PCDHA10: variants seen among roughly 807,000 people sequenced by gnomAD.
The protein encoded by PCDHA10 is protocadherin alpha 10, also known as protocadherin alpha-10.
In PCDHA10, 45 loss-of-function variants were observed where a neutral mutation model predicts 61.2. The ratio of observed to expected loss-of-function variants is 0.74; its 90% CI spans 0.58 to 0.94. The LOEUF (loss-of-function observed/expected upper bound fraction) is 0.94, where lower values mean the gene tolerates loss of function less well. PCDHA10 is among the 40% of genes least tolerant of loss of function. The pLI, the probability that PCDHA10 is intolerant of heterozygous loss-of-function variation, is 0.00. For synonymous variants in PCDHA10, 602 were observed against 548.8 expected (o/e 1.10, Z -1.35); for missense variants, 1,278 against 1,236.2 (o/e 1.03, Z -0.51).
Position 140,968,978 on chromosome 5 carries a change from G to T in PCDHA10, c.2389-9971G>T, listed in dbSNP as rs782147151. ...CAAGTGCTACCGCTACACTGCGTATGGCACTGCATGCTGTGGAGGCTTCTG... is the reference window on the plus strand; with the variant it reads ...CAAGTGCTACCGCTACACTGCGTATTGCACTGCATGCTGTGGAGGCTTCTG... On this transcript the variant is annotated intron_variant, in intron 1 of 3. Coordinates refer to ENST00000307360, the MANE Select transcript of PCDHA10 (RefSeq NM_018901.4). The T allele has an allele frequency of 8.7e-6, 14 of 1,614,212 alleles. No homozygotes were observed. Among genetic ancestry groups the T allele is most frequent in the Non-Finnish European group, 1.2e-5 (14 of 1,180,042 alleles).
chr5:140,987,043 A>G (rs1406153632), intron 3 of PCDHA10, among the ~76,000 whole-genome samples: 5 of 151,912 alleles, frequency 3.3e-5, no homozygotes, highest in Non-Finnish European at 7.4e-5. Flanking sequence ...GCGAAACCCC[A>G]TCTCTACTAA....
chr5:140,967,332 C>T (rs1269679357), intron 1 of PCDHA10: 2 of 1,607,906 alleles, frequency 1.2e-6, no homozygotes, highest in Non-Finnish European at 1.7e-6. Context: ...GAGCTCAGCC[C>T]CAGCGAGCAC....
intron 1 of PCDHA10, chr5:140,967,726 TG>T: frequency 6.2e-7 from 1 of 1,613,974 alleles, no homozygotes; most frequent in Non-Finnish European, 8.5e-7. Flanking sequence ...TGCGAGTAAT[TG>T]GGGGGCTGGA....
intron 1 of PCDHA10, chr5:140,869,195 T>A (rs1554162619): frequency 6.2e-7 from 1 of 1,613,916 alleles, no homozygotes; most frequent in East Asian, 2.2e-5. Flanking sequence ...AGCGGCCAGC[T>A]CCACTACTCC....
chr5:140,856,524 CG>C lies in PCDHA10; in HGVS notation c.478del (p.Asp160MetfsTer23), dbSNP rs2044059008. 6.3e-7 allele frequency: 1 copy of C among 1,598,296 alleles called. No homozygotes were observed. The highest frequency in any genetic ancestry group is 1.3e-5 in the African/African-American group (1 of 74,424). On this transcript the variant is annotated frameshift_variant, in exon 1 of 4. Coordinates refer to ENST00000307360, the MANE Select transcript of PCDHA10 (RefSeq NM_018901.4). LOFTEE classifies it high-confidence loss of function. The part of the protein sequence containing the change: ...SRFPLEGASD[A>X]DVGENALLTY... ...TTTCCACTAGAAGGCGCATCTGATG[CG>C]GATGTTGGAGAGAACGCATTGCTTA...
chr5:140,877,266 C>T, intron 1 of PCDHA10: 1 of 1,613,808 alleles, frequency 6.2e-7, no homozygotes, highest in Non-Finnish European at 8.5e-7. Flanking sequence ...GCGCGGTGGA[C>T]GCTGACTCCG....
At chr5:140,876,684 C>T (rs973560970) in intron 1 of PCDHA10, 29 of 1,614,110 alleles carry the variant, frequency 1.8e-5, no homozygotes, top group Admixed American at 3.3e-5. Flanking sequence ...ACAAGAATTA[C>T]TACTCGTTGG....
intron 1 of PCDHA10, among the ~76,000 whole-genome samples, chr5:140,893,446 A>C (rs1305001651): frequency 6.6e-6 from 1 of 152,132 alleles, no homozygotes; most frequent in Non-Finnish European, 1.5e-5. Flanking sequence ...TGAAGCCAGG[A>C]GTTCAAGACC....
intron 3 of PCDHA10, among the ~76,000 whole-genome samples, chr5:140,999,088 G>A (rs1429141341): frequency 1.3e-5 from 2 of 152,274 alleles, no homozygotes; most frequent in African/African-American, 4.8e-5. Flanking sequence ...TCCTTCAGAG[G>A]GCTATGGAGA....
chr5:141,001,245 C>G (rs1554258043), intron 3 of PCDHA10, among the ~76,000 whole-genome samples: 2 of 152,082 alleles, frequency 1.3e-5, no homozygotes, highest in Non-Finnish European at 2.9e-5. Context: ...TAAATCAACC[C>G]TATGGGGCGG....
chr5:140,967,334 A>T, intron 1 of PCDHA10: 1 of 1,608,228 alleles, frequency 6.2e-7, no homozygotes, highest in South Asian at 1.1e-5. Flanking sequence ...GCTCAGCCCC[A>T]GCGAGCACTT....
At position 141,010,025 on chromosome 5, in the gene PCDHA10, A is replaced by T; in HGVS notation, c.*88A>T. On this transcript the variant is annotated 3_prime_UTR_variant, in exon 4 of 4. Coordinates refer to ENST00000307360, the MANE Select transcript of PCDHA10 (RefSeq NM_018901.4). ...TAGCAATTCCCTGCTCCTTTTTCCT[A>T]TCTACATGAGCCCTCTTAGAGACCT... The T allele has an allele frequency of 6.4e-7, 1 of 1,573,940 alleles. No homozygotes were observed. The highest frequency in any genetic ancestry group is 1.2e-5 in the South Asian group (1 of 82,592).
At chr5:140,895,197 T>C (rs782373000) in intron 1 of PCDHA10, among the ~76,000 whole-genome samples, 2 of 152,182 alleles carry the variant, frequency 1.3e-5, no homozygotes, top group Non-Finnish European at 1.5e-5. Flanking sequence ...AAGTTTTGAA[T>C]TTGCTTTTAT....
chr5:140,884,059 G>A, intron 1 of PCDHA10: 4 of 1,613,546 alleles, frequency 2.5e-6, no homozygotes, highest in Non-Finnish European at 3.4e-6. Context: ...TGCGCGCGGT[G>A]GACGCCGATT....
chr5:140,937,511 G>A (rs569896730), intron 1 of PCDHA10, among the ~76,000 whole-genome samples: 2 of 152,166 alleles, frequency 1.3e-5, no homozygotes, highest in Non-Finnish European at 2.9e-5. Context: ...CAGCTACTCA[G>A]GAGGCTGAGG....
intron 1 of PCDHA10, among the ~76,000 whole-genome samples, chr5:140,944,351 C>A (rs530648518): frequency 6.6e-6 from 1 of 152,198 alleles, no homozygotes; most frequent in South Asian, 2.1e-4. Context: ...CCACACCTGG[C>A]TAATTTTTAA....
intron 1 of PCDHA10, chr5:140,966,609 G>A: frequency 1.4e-6 from 1 of 702,876 alleles, no homozygotes; most frequent in Non-Finnish European, 2.1e-6. Flanking sequence ...CCTTGGGAGG[G>A]CCTACGGAGG....
intron 3 of PCDHA10, among the ~76,000 whole-genome samples, chr5:140,991,295 A>G (rs1215731555): frequency 6.6e-6 from 1 of 152,202 alleles, no homozygotes; most frequent in African/African-American, 2.4e-5. Context: ...TTAACACATT[A>G]CTATTATCTT....
At chr5:140,905,958 G>T (rs1554192269) in intron 1 of PCDHA10, among the ~76,000 whole-genome samples, 1 of 152,184 alleles carries the variant, frequency 6.6e-6, no homozygotes, top group Non-Finnish European at 1.5e-5. Context: ...GATGTTCAAG[G>T]GGAGGAAGAT....
Sources: allele counts gnomAD v4.1 joint callset (sites outside exome capture counted in the v4.1 genomes callset), GRCh38; gene constraint gnomAD v4.1.1; transcripts MANE v1.5; gene names NCBI Gene and HGNC (gene_info 2026-07-23, HGNC 2026-07-21).